SATB1: variants seen among roughly 807,000 people sequenced by gnomAD.
The protein encoded by SATB1 is SATB homeobox 1.
In SATB1, 11 loss-of-function variants were observed where a neutral mutation model predicts 86.9. The observed-to-expected ratio is 0.13, with a 90% CI of 0.08 to 0.21. The LOEUF is 0.21. Ranked by LOEUF, SATB1 falls within the 10% of genes least tolerant of loss-of-function variation. SATB1 has a pLI of 1.00. For synonymous variants in SATB1, 357 were observed against 357.2 expected, an observed-to-expected ratio of 1.00 and a Z score of 0.01; for missense variants, 551 against 937.6, an observed-to-expected ratio of 0.59 and a Z score of 5.39.
At chr3:18,435,527 T>C (rs1450968103) in intron 2 of SATB1, among the ~76,000 whole-genome samples, 1 of 152,158 alleles carries the variant, frequency 6.6e-6, no homozygotes, top group African/African-American at 2.4e-5. Flanking sequence ...ACACCACTGA[T>C]GTAGCCTCCC....
At chr3:18,387,465 T>C (rs1042321416) in intron 7 of SATB1, among the ~76,000 whole-genome samples, 1 of 152,302 alleles carries the variant, frequency 6.6e-6, no homozygotes, top group Admixed American at 6.5e-5. Flanking sequence ...ACTCTTAAGG[T>C]GTCTTTCCCC....
chr3:18,390,180 T>C (rs1181341461), intron 7 of SATB1, among the ~76,000 whole-genome samples: 1 of 152,166 alleles, frequency 6.6e-6, no homozygotes, highest in East Asian at 1.9e-4. Flanking sequence ...ACTGCCAATC[T>C]GAACAAAAAG....
chr3:18,382,881 G>A (rs1238279974), intron 8 of SATB1, among the ~76,000 whole-genome samples: 6 of 152,214 alleles, frequency 3.9e-5, no homozygotes, highest in Non-Finnish European at 8.8e-5. Context: ...TGAAGTAGAG[G>A]AAGGAGCAAG....
At chr3:18,411,059 G>A in intron 5 of SATB1, 1 of 393,018 alleles carries the variant, frequency 2.5e-6, no homozygotes, top group Non-Finnish European at 4.5e-6. Context: ...AGGATGCTGT[G>A]AATAAAAGGA....
At chr3:18,442,159 T>G (rs557892057), upstream of SATB1, among the ~76,000 whole-genome samples, 1 of 152,138 alleles carries the variant, frequency 6.6e-6, no homozygotes, top group African/African-American at 2.4e-5. Flanking sequence ...AGGTCTTCTT[T>G]CTCTATCTTC....
intron 5 of SATB1, among the ~76,000 whole-genome samples, chr3:18,411,831 T>C (rs548589664): frequency 3.0e-4 from 46 of 152,202 alleles, no homozygotes; most frequent in African/African-American, 9.9e-4. Flanking sequence ...GTCAATCGAT[T>C]TGGGCAGATT....
rs1001449390 is a variant in SATB1, at chr3:18,444,710, C to G, written c.-25+808G>C. ...CGGCGTCGGACTTCCGAGGCGGCGG[C>G]TTCTGCCTCTCCTGCCGCCGCCGCC... On this transcript the variant is annotated intron_variant, in intron 1 of 3. Coordinates refer to the SATB1 transcript ENST00000415069. This position sits in a 1 kb window ranked among gnomAD's most constrained non-coding sequence, Gnocchi z 5.1. 1.0e-6 allele frequency: 1 copy of G among 956,962 alleles called. No individual in the cohort carries two copies. The highest frequency in any genetic ancestry group is 1.2e-6 in the Non-Finnish European group (1 of 804,674). 59.3% of individuals were successfully genotyped at this position (956,962 alleles called of 1,614,324 possible). A position where few individuals can be genotyped will look rare whatever the true frequency, so the allele number is the denominator to read the frequency against.
At chr3:18,388,774 G>C (rs990110443) in intron 7 of SATB1, among the ~76,000 whole-genome samples, 8 of 151,916 alleles carry the variant, frequency 5.3e-5, no homozygotes, top group African/African-American at 1.9e-4. Flanking sequence ...ATTAGATTAG[G>C]GCAAAACATA....
At chr3:18,418,209 T>C (rs1430690422) in intron 2 of SATB1, among the ~76,000 whole-genome samples, 1 of 152,152 alleles carries the variant, frequency 6.6e-6, no homozygotes, top group Non-Finnish European at 1.5e-5. Flanking sequence ...AGCTCTGTCC[T>C]CTGGACTCAC....
chr3:18,350,919 C>T, intron 10 of SATB1: 1 of 274,698 alleles, frequency 3.6e-6, no homozygotes, highest in South Asian at 3.8e-5. Context: ...GTAGGTGACT[C>T]AACAGAGGTA....
chr3:18,355,656 AAC>A (rs1169263845), intron 9 of SATB1, among the ~76,000 whole-genome samples: 1 of 151,994 alleles, frequency 6.6e-6, no homozygotes, highest in African/African-American at 2.4e-5. Flanking sequence ...AGACAAAAAA[AAC>A]ACCAACAAAA....
At chr3:18,423,191 G>C (rs1020811329) in intron 1 of SATB1, among the ~76,000 whole-genome samples, 1 of 152,112 alleles carries the variant, frequency 6.6e-6, no homozygotes, top group Non-Finnish European at 1.5e-5. Context: ...AGTTTCTTTT[G>C]AGTTACACGT....
At chr3:18,415,012 G>A (rs921314551) in intron 5 of SATB1, 99 bp downstream of exon 5, 39 of 1,384,384 alleles carry the variant, frequency 2.8e-5, no homozygotes, top group Non-Finnish European at 3.6e-5. Flanking sequence ...GCAGATTCTT[G>A]CTTCAGATAC....
At position 18,351,537 on chromosome 3, in the gene SATB1, T is replaced by A. The variant is rs1015751255; in HGVS notation, c.1779+455A>T. 9 of 655,010 alleles carry A rather than the reference T, an allele frequency of 1.4e-5. No individual in the cohort carries two copies. In the East Asian group the frequency reaches 2.5e-4, roughly 18 times the overall value. 40.6% of individuals were successfully genotyped at this position (655,010 alleles called of 1,614,324 possible). A position where few individuals can be genotyped will look rare whatever the true frequency, so the allele number is the denominator to read the frequency against. ...AGGCAAGATTCCAATTAAGCTTCCC[T>A]CCCCTCCTCTTTCTGGACAGAATCC... On this transcript the variant is annotated intron_variant, in intron 10 of 10. Coordinates refer to ENST00000338745, the MANE Select transcript of SATB1 (RefSeq NM_002971.6).
chr3:18,401,943 T>C lies in SATB1; in HGVS notation c.640-4653A>G, dbSNP rs1282916099. Among the ~76,000 whole-genome samples, 13 of 152,100 alleles carry C rather than the reference T, an allele frequency of 8.5e-5. No homozygotes were observed. The East Asian group carries it at 2.3e-3, about 27-fold the overall frequency. On this transcript the variant is annotated intron_variant, in intron 5 of 10. Transcript: ENST00000338745. ...TGAGCTTCCTTTTCAGCCAAATACA[T>C]TATTTATAACCTTTCTAATTGTGAA...
At chr3:18,396,133 G>A (rs1480924267) in intron 6 of SATB1, among the ~76,000 whole-genome samples, 2 of 152,162 alleles carry the variant, frequency 1.3e-5, no homozygotes, top group Non-Finnish European at 2.9e-5. Flanking sequence ...ACAGAGAACA[G>A]TAATTCAAGC....
chr3:18,398,029 C>G (rs1220905973), intron 5 of SATB1, among the ~76,000 whole-genome samples: 2 of 152,024 alleles, frequency 1.3e-5, no homozygotes, highest in Non-Finnish European at 2.9e-5. Context: ...AATTTCAAAC[C>G]GATCATAAAA....
rs1027073444 is a variant in SATB1 at position 18,417,034 on chromosome 3, C to T, written c.256G>A (p.Ala86Thr). 19 of 1,613,240 alleles carry T rather than the reference C, an allele frequency of 1.2e-5. No homozygotes were observed. Among genetic ancestry groups the T allele is most frequent in the Middle Eastern group, 1.6e-4 (1 of 6,078 alleles). The part of the protein sequence containing the change: ...VFCVVEHYEN[A>T]IEYDCKEEHA... Reference sequence around the variant, plus strand: ...TCCTCCTTGCAATCATATTCAATGGCGTTTTCATAATGTTCCACCACACAG... The same window carrying T: ...TCCTCCTTGCAATCATATTCAATGGTGTTTTCATAATGTTCCACCACACAG... Residue 86 changes from alanine to threonine, a missense_variant, in exon 3 of 11, where the codon GCC (alanine) becomes ACC (threonine). Coordinates refer to ENST00000338745, the MANE Select transcript of SATB1 (RefSeq NM_002971.6).
upstream of SATB1, among the ~76,000 whole-genome samples, chr3:18,441,859 A>G (rs1248968358): frequency 1.3e-5 from 2 of 152,196 alleles, no homozygotes; most frequent in Non-Finnish European, 2.9e-5. Context: ...ATCACTCAGC[A>G]TATCATGTCT....
Sources: allele counts gnomAD v4.1 joint callset (sites outside exome capture counted in the v4.1 genomes callset), GRCh38; gene constraint gnomAD v4.1.1; non-coding constraint Gnocchi (gnomAD v3.1); transcripts MANE v1.5; gene names NCBI Gene and HGNC (gene_info 2026-07-23, HGNC 2026-07-21).